ZBTB8B: variants seen among roughly 807,000 people sequenced by gnomAD.
ZBTB8B encodes the protein zinc finger and BTB domain containing 8B.
Under a neutral mutation model 30.3 loss-of-function variants are expected in ZBTB8B, and 17 were observed. That is an observed-to-expected ratio of 0.56 (90% CI 0.38 to 0.84). ZBTB8B has a LOEUF of 0.84. Among genes scored for constraint, ZBTB8B ranks in the 40% least tolerant of loss-of-function variants. The pLI is 0.00. For synonymous variants in ZBTB8B, 248 were observed against 255.6 expected, an observed-to-expected ratio of 0.97 and a Z score of 0.28; for missense variants, 515 against 644.9, an observed-to-expected ratio of 0.80 and a Z score of 2.18.
intron 3 of ZBTB8B, among the ~76,000 whole-genome samples, chr1:32,481,438 G>A: frequency 6.6e-6 from 1 of 151,964 alleles, no homozygotes; most frequent in African/African-American, 2.4e-5. Flanking sequence ...TTCCCACCGA[G>A]CCCCAGCACC....
At chr1:32,469,961 A>T (rs1341125452) in intron 1 of ZBTB8B, among the ~76,000 whole-genome samples, 1 of 152,058 alleles carries the variant, frequency 6.6e-6, no homozygotes, top group Non-Finnish European at 1.5e-5. Context: ...ATCTTGTTTC[A>T]CGCAGCTTAC....
chr1:32,466,403 T>TACAA (rs1643570759), intron 1 of ZBTB8B, among the ~76,000 whole-genome samples: 1 of 152,142 alleles, frequency 6.6e-6, no homozygotes, highest in Admixed American at 6.5e-5. Context: ...AACCGTTGAA[T>TACAA]TGAGTTGGAA....
At chr1:32,471,753 CCAT>C (rs1398340896) in intron 2 of ZBTB8B, 138 bp downstream of exon 2, 43 of 959,488 alleles carry the variant, frequency 4.5e-5, no homozygotes, top group Admixed American at 8.4e-5. Context: ...ATCACCAGTA[CCAT>C]CATCATTACC....
rs1643727925 is a variant in ZBTB8B at position 32,484,259 on chromosome 1, T to G, written c.1171-842T>G. ...CAGTTCACTTTCATTTGAGTGCTTTTTGTATGCCAAGCACTAGGGATATAG... is the reference window on the plus strand; with the variant it reads ...CAGTTCACTTTCATTTGAGTGCTTTGTGTATGCCAAGCACTAGGGATATAG... On this transcript the variant is annotated intron_variant, in intron 3 of 3. Coordinates refer to ENST00000609129, the MANE Select transcript of ZBTB8B (RefSeq NM_001145720.2). The surrounding 1 kb of genome is among the most constrained non-coding windows in gnomAD (Gnocchi z 4.5). 6.6e-6 allele frequency among the ~76,000 whole-genome samples: 1 copy of G among 152,110 alleles called. No individual in the cohort carries two copies. The highest frequency in any genetic ancestry group is 2.4e-5 in the African/African-American group (1 of 41,426).
rs1217777623 is a variant in ZBTB8B at position 32,471,029 on chromosome 1, T to G, written c.405T>G (p.Ala135=). The change falls in exon 2 of 4, where the codon GCT becomes GCG. Residue 135 remains alanine, a synonymous_variant. Coordinates refer to ENST00000609129, the MANE Select transcript of ZBTB8B (RefSeq NM_001145720.2). The part of the protein sequence containing the change: ...CRKMEKEAAV[A]AAVAAAAAAA... ...AGATGGAGAAGGAGGCTGCTGTGGC[T>G]GCAGCAGTGGCGGCGGCAGCGGCGG... 4 of 1,551,158 alleles carry G rather than the reference T, an allele frequency of 2.6e-6. No homozygotes were observed. The Admixed American group carries it at 7.8e-5, about 30-fold the overall frequency.
chr1:32,481,823 C>A (rs1325129998), intron 3 of ZBTB8B, among the ~76,000 whole-genome samples: 8 of 152,128 alleles, frequency 5.3e-5, no homozygotes, highest in Admixed American at 1.3e-4. Flanking sequence ...AAGTTCTCAT[C>A]ATTTAGCTCC....
chr1:32,483,389 C>T (rs1323807165), intron 3 of ZBTB8B, among the ~76,000 whole-genome samples: 2 of 151,826 alleles, frequency 1.3e-5, no homozygotes, highest in Admixed American at 1.3e-4. Flanking sequence ...CGGGCCACTG[C>T]TCTCCAGCTT....
In ZBTB8B at chr1:32,495,929, G is replaced by T. The variant is rs575553246; in HGVS notation, c.*10511G>T. 17 of 152,082 alleles carry T rather than the reference G, an allele frequency of 1.1e-4. No individual in the cohort carries two copies. Among genetic ancestry groups the T allele is most frequent in the African/African-American group, 4.1e-4 (17 of 41,484 alleles). The allele number at this position is 152,082 out of a possible 1,614,324, so 9.4% of individuals were successfully genotyped here. A position where few individuals can be genotyped will look rare whatever the true frequency, so the allele number is the denominator to read the frequency against. On this transcript the variant is annotated 3_prime_UTR_variant, in exon 4 of 4. Coordinates refer to ENST00000609129, the MANE Select transcript of ZBTB8B (RefSeq NM_001145720.2). ...TTGAATGAATGCAATAAGGAATTGA[G>T]GATCGTCTCACATTAATGAGTGAAT... is the stretch of plus-strand genomic sequence containing the variant.
intron 3 of ZBTB8B, among the ~76,000 whole-genome samples, chr1:32,481,711 T>C (rs1643706838): frequency 6.6e-6 from 1 of 152,190 alleles, no homozygotes; most frequent in African/African-American, 2.4e-5. Flanking sequence ...GGGTTTGTTG[T>C]ACAGATTATT....
At position 32,486,162 on chromosome 1, in the gene ZBTB8B, A is replaced by G. The variant is rs1643743768; in HGVS notation, c.*744A>G. The G allele has an allele frequency of 6.6e-6, 1 of 152,254 alleles. No individual in the cohort carries two copies. The highest frequency in any genetic ancestry group is 1.5e-5 in the Non-Finnish European group (1 of 68,038). 9.4% of individuals were successfully genotyped at this position (152,254 alleles called of 1,614,324 possible). A position where few individuals can be genotyped will look rare whatever the true frequency, so the allele number is the denominator to read the frequency against. The stretch of plus-strand genomic sequence containing the variant: ...CACATACAACCTGTTCTGTTATCAT[A>G]AAACAACTCATTTGGGCAAAACTCA... On this transcript the variant is annotated 3_prime_UTR_variant, in exon 4 of 4. Coordinates refer to ENST00000609129, the MANE Select transcript of ZBTB8B (RefSeq NM_001145720.2).
chr1:32,470,108 GTA>G (rs1205204534), intron 1 of ZBTB8B, among the ~76,000 whole-genome samples: 1 of 152,134 alleles, frequency 6.6e-6, no homozygotes, highest in Non-Finnish European at 1.5e-5. Context: ...CTGATTTCAA[GTA>G]ATCTGCCTGC....
rs1417130738 is a variant in ZBTB8B, at chr1:32,490,173, A to C, written c.*4755A>C. 1 of 152,188 alleles carries C rather than the reference A, an allele frequency of 6.6e-6. No homozygotes were observed. The highest frequency in any genetic ancestry group is 1.5e-5 in the Non-Finnish European group (1 of 68,060). 9.4% of individuals were successfully genotyped at this position (152,188 alleles called of 1,614,324 possible). ...TTTTTCTTGTGTGTGTCCCTTGTGCATTAAGAGAATGATCTCTGTGAAGTC... is the reference window on the plus strand; with the variant it reads ...TTTTTCTTGTGTGTGTCCCTTGTGCCTTAAGAGAATGATCTCTGTGAAGTC... On this transcript the variant is annotated 3_prime_UTR_variant, in exon 4 of 4. Coordinates refer to ENST00000609129, the MANE Select transcript of ZBTB8B (RefSeq NM_001145720.2).
At chr1:32,478,727 T>G (rs1477020577) in intron 2 of ZBTB8B, among the ~76,000 whole-genome samples, 1 of 152,186 alleles carries the variant, frequency 6.6e-6, no homozygotes, top group African/African-American at 2.4e-5. Flanking sequence ...GTTTCCACCC[T>G]TACATAAAGG....
intron 2 of ZBTB8B, among the ~76,000 whole-genome samples, chr1:32,473,474 CA>C (rs1216019099): frequency 6.7e-6 from 1 of 149,948 alleles, no homozygotes; most frequent in Non-Finnish European, 1.5e-5. Flanking sequence ...AAAGGGAGAT[CA>C]GCTATTTTTA....
rs1643792664 is a variant in ZBTB8B, at chr1:32,493,406, G to T, written c.*7988G>T. The stretch of plus-strand genomic sequence containing the variant: ...TCTGCCTGCCTCAGCCTCCCAAAGT[G>T]CTGGGATTACAGGCGTGAGCCACTG... On this transcript the variant is annotated 3_prime_UTR_variant, in exon 4 of 4. Coordinates refer to ENST00000609129, the MANE Select transcript of ZBTB8B (RefSeq NM_001145720.2). The T allele has an allele frequency of 6.6e-6, 1 of 152,122 alleles. No homozygotes were observed. Among genetic ancestry groups the T allele is most frequent in the South Asian group, 2.1e-4 (1 of 4,832 alleles). The allele number at this position is 152,122 out of a possible 1,614,324, so 9.4% of individuals were successfully genotyped here.
chr1:32,471,436 C>T lies in ZBTB8B; in HGVS notation c.812C>T (p.Ala271Val), dbSNP rs1438269161. The change falls in exon 2 of 4, where the codon GCT (alanine) becomes GTT (valine). Residue 271 changes from alanine to valine, a missense_variant. Physicochemically the swap from Ala to Val is moderately conservative, Grantham distance 64. Coordinates refer to ENST00000609129, the MANE Select transcript of ZBTB8B (RefSeq NM_001145720.2). The part of the protein sequence containing the change: ...ALPSGQAVDL[A>V]YSNYHVKQFL... ...CCAAGCGGCCAGGCGGTTGACTTGGCTTACAGCAACTACCACGTGAAGCAG... is the reference window on the plus strand; with the variant it reads ...CCAAGCGGCCAGGCGGTTGACTTGGTTTACAGCAACTACCACGTGAAGCAG... 2.4e-5 allele frequency: 37 copies of T among 1,551,834 alleles called. No homozygotes were observed. Among genetic ancestry groups the T allele is most frequent in the Non-Finnish European group, 3.2e-5 (37 of 1,147,026 alleles).
At chr1:32,469,988 C>T (rs1056849439) in intron 1 of ZBTB8B, among the ~76,000 whole-genome samples, 17 of 152,052 alleles carry the variant, frequency 1.1e-4, no homozygotes, top group Non-Finnish European at 2.4e-4. Context: ...TGGGTTCAAG[C>T]GATTCTCCCA....
intron 2 of ZBTB8B, among the ~76,000 whole-genome samples, chr1:32,479,448 A>G (rs1163047916): frequency 2.0e-5 from 3 of 152,152 alleles, no homozygotes; most frequent in Non-Finnish European, 4.4e-5. Context: ...ACTTGCACCC[A>G]GGAGGTGGAG....
In ZBTB8B at chr1:32,490,114, A is replaced by G. The variant is rs966863825; in HGVS notation, c.*4696A>G. The G allele has an allele frequency of 2.0e-5, 3 of 151,998 alleles. No homozygotes were observed. Among genetic ancestry groups the G allele is most frequent in the African/African-American group, 7.3e-5 (3 of 41,376 alleles). 9.4% of individuals were successfully genotyped at this position (151,998 alleles called of 1,614,324 possible). A position where few individuals can be genotyped will look rare whatever the true frequency, so the allele number is the denominator to read the frequency against. On this transcript the variant is annotated 3_prime_UTR_variant, in exon 4 of 4. Coordinates refer to ENST00000609129, the MANE Select transcript of ZBTB8B (RefSeq NM_001145720.2). ...GAAAGAGTGGAGTGGCCTTTGGTTA[A>G]CTGAACTCAGACTGTTTTATTTGGA...
Sources: gnomAD v4.1 joint callset for allele counts (sites outside exome capture counted in the v4.1 genomes callset) on GRCh38, gnomAD v4.1.1 for gene constraint, Gnocchi (gnomAD v3.1) non-coding constraint, MANE v1.5 for transcripts, NCBI Gene and HGNC (gene_info 2026-07-23, HGNC 2026-07-21) for gene names.